Variants in PHC3 observed in about 807,000 individuals in gnomAD.
PHC3 encodes the protein polyhomeotic-like protein 3.
PHC3 carries 13 observed loss-of-function variants against 107.4 expected under a neutral mutation model. The observed-to-expected ratio is 0.12, with a 90% CI of 0.08 to 0.19. PHC3 has a LOEUF of 0.19. Ranked by LOEUF, PHC3 falls within the 10% of genes least tolerant of loss-of-function variation. PHC3 has a pLI of 1.00. For missense variants in PHC3, 992 were observed against 1,210.9 expected, an observed-to-expected ratio of 0.82 and a Z score of 2.68; for synonymous variants, 456 against 427.4, an observed-to-expected ratio of 1.07 and a Z score of -0.83.
At position 170,092,012 on chromosome 3, in the gene PHC3, T is replaced by G. The variant is rs1456056231; in HGVS notation, c.*5218A>C. ...CTTCCCAAATAATTTTTTGTTTTGT[T>G]TTTTTGAGATGGAGTCTCGCTCTGT... is the stretch of plus-strand genomic sequence containing the variant. On this transcript the variant is annotated 3_prime_UTR_variant, in exon 15 of 15. Transcript: ENST00000495893. The G allele has an allele frequency of 2.0e-5, 3 of 152,184 alleles. No individual in the cohort carries two copies. The highest frequency in any genetic ancestry group is 4.4e-5 in the Non-Finnish European group (3 of 68,058). 9.4% of individuals were successfully genotyped at this position (152,184 alleles called of 1,614,324 possible). A position where few individuals can be genotyped will look rare whatever the true frequency, so the allele number is the denominator to read the frequency against.
At chr3:170,116,804 A>G (rs1230847128) in intron 10 of PHC3, among the ~76,000 whole-genome samples, 1 of 151,964 alleles carries the variant, frequency 6.6e-6, no homozygotes, top group East Asian at 1.9e-4. Context: ...TCAGCTACTC[A>G]GGTGGCTGAG....
intron 4 of PHC3, among the ~76,000 whole-genome samples, chr3:170,166,086 C>T (rs899887546): frequency 6.6e-6 from 1 of 151,994 alleles, no homozygotes; most frequent in Admixed American, 6.6e-5. Context: ...GCTCTACCGC[C>T]CAGGATGGAG....
intron 7 of PHC3, among the ~76,000 whole-genome samples, chr3:170,130,399 T>C (rs554189456): frequency 1.3e-5 from 2 of 152,298 alleles, no homozygotes; most frequent in East Asian, 3.9e-4. Flanking sequence ...TGAGGGTATA[T>C]ATATCATTTG....
At chr3:170,181,433 A>G (rs1301125722) in intron 1 of PHC3, among the ~76,000 whole-genome samples, 16 of 152,090 alleles carry the variant, frequency 1.1e-4, no homozygotes, top group Non-Finnish European at 2.4e-4. Flanking sequence ...CAGCTCCCGG[A>G]GTCCCAAGGG....
At chr3:170,130,688 A>G (rs1385886350) in intron 7 of PHC3, among the ~76,000 whole-genome samples, 1 of 152,240 alleles carries the variant, frequency 6.6e-6, no homozygotes, top group Non-Finnish European at 1.5e-5. Flanking sequence ...AAGCCACTCA[A>G]CAGGAATAAA....
intron 9 of PHC3, among the ~76,000 whole-genome samples, chr3:170,118,337 C>T (rs147270096): frequency 0.012 from 1,858 of 152,246 alleles, 40 homozygotes; most frequent in African/African-American, 0.042. Flanking sequence ...TCTCAACCTC[C>T]CAGGCTCAGG....
intron 7 of PHC3, among the ~76,000 whole-genome samples, chr3:170,133,017 A>C (rs1722504252): frequency 6.6e-6 from 1 of 152,192 alleles, no homozygotes; most frequent in African/African-American, 2.4e-5. Context: ...CACCCTAAAA[A>C]TACATATAAG....
chr3:170,161,272 G>A (rs1188268047), intron 4 of PHC3, among the ~76,000 whole-genome samples: 1 of 152,112 alleles, frequency 6.6e-6, no homozygotes, highest in African/African-American at 2.4e-5. Context: ...GCTGGCTAAG[G>A]CTTACATAAG....
chr3:170,149,366 A>C, intron 4 of PHC3, 122 bp from the exon 5 acceptor site: 2 of 872,976 alleles, frequency 2.3e-6, no homozygotes, highest in East Asian at 5.3e-5. Flanking sequence ...CCCAAAGGAG[A>C]AGCCTTTATC....
At chr3:170,107,495 A>G (rs927620274) in intron 11 of PHC3, among the ~76,000 whole-genome samples, 5 of 152,198 alleles carry the variant, frequency 3.3e-5, no homozygotes, top group African/African-American at 1.2e-4. Context: ...ATAAAGATGC[A>G]TATATCAGGA....
Position 170,117,351 on chromosome 3 carries a change from T to C in PHC3, c.2068A>G (p.Ser690Gly). 3 of 1,613,984 alleles carry C rather than the reference T, an allele frequency of 1.9e-6. No homozygotes were observed. Among genetic ancestry groups the C allele is most frequent in the East Asian group, 2.2e-5 (1 of 44,860 alleles). Residue 690 changes from serine (S) to glycine (G), a missense_variant, in exon 10 of 15, where the codon AGT becomes GGT. By Grantham distance (56) the Ser-to-Gly change is moderately conservative. Around this residue, in one of 6 missense-constraint regions of PHC3, gnomAD observed 543 missense variants for 590.8 expected, o/e 0.92. Transcript: ENST00000495893. ...LLPAATTRSN[S>G]TSMHSSIPSI... ...GGAATGCTACTGTGCATAGATGTAC[T>C]GTTACTCCTTGTGGTGGCAGCTGGA...
At chr3:170,102,145 G>A in intron 14 of PHC3, 8 of 984,906 alleles carry the variant, frequency 8.1e-6, no homozygotes, top group South Asian at 4.7e-5. Context: ...AGAGCAGAAA[G>A]GAAGAAGTGT....
In PHC3 at chr3:170,102,795, T is replaced by C. The variant is rs371191533; in HGVS notation, c.2601+7A>G. The C allele has an allele frequency of 4.6e-5, 74 of 1,613,856 alleles. No individual in the cohort carries two copies. Among genetic ancestry groups the C allele is most frequent in the Non-Finnish European group, 5.8e-5 (69 of 1,179,860 alleles). ...GTATTTTACATTGAAGCAAGGTTTA[T>C]ACAGACCTGCCTAAGGATATGTTCT... is the stretch of plus-strand genomic sequence containing the variant. On this transcript the variant is annotated splice_region_variant and intron_variant, in intron 13 of 14. Transcript: ENST00000495893.
chr3:170,141,461 C>A (rs974694105), intron 6 of PHC3, among the ~76,000 whole-genome samples: 2 of 152,156 alleles, frequency 1.3e-5, no homozygotes, highest in Non-Finnish European at 2.9e-5. Flanking sequence ...TGACTCTATT[C>A]ACATTAAAAA....
At chr3:170,119,427 G>C (rs1247544786) in intron 9 of PHC3, among the ~76,000 whole-genome samples, 1 of 152,106 alleles carries the variant, frequency 6.6e-6, no homozygotes, top group Admixed American at 6.6e-5. Flanking sequence ...TTAATATCTA[G>C]ATCATGTGCA....
At chr3:170,176,857 A>C (rs1425689687) in intron 2 of PHC3, 3 of 450,330 alleles carry the variant, frequency 6.7e-6, no homozygotes, top group South Asian at 1.6e-5. Flanking sequence ...TGAAAGAAGT[A>C]GTCTCACCCT....
intron 8 of PHC3, among the ~76,000 whole-genome samples, chr3:170,126,528 A>ATTTTTT (rs1553788612): frequency 1.1e-4 from 10 of 90,612 alleles, no homozygotes; most frequent in African/African-American, 3.6e-4. Flanking sequence ...ATATATATAT[A>ATTTTTT]TTTTTTTTTT....
intron 9 of PHC3, among the ~76,000 whole-genome samples, chr3:170,120,818 AAG>A (rs1325779572): frequency 6.6e-6 from 1 of 152,176 alleles, no homozygotes; most frequent in African/African-American, 2.4e-5. Flanking sequence ...GTGGTCCCAT[AAG>A]AGTTTGTTTC....
At chr3:170,115,411 AGTAT>A (rs1163130100) in intron 10 of PHC3, among the ~76,000 whole-genome samples, 3 of 152,248 alleles carry the variant, frequency 2.0e-5, no homozygotes, top group South Asian at 2.1e-4. Context: ...TTAAAACCAC[AGTAT>A]GTATATGTAC....
Sources: gnomAD v4.1 joint callset for allele counts (sites outside exome capture counted in the v4.1 genomes callset) on GRCh38, gnomAD v4.1.1 for gene constraint, gnomAD v4.1.1 regional missense constraint, MANE v1.5 for transcripts, NCBI Gene and HGNC (gene_info 2026-07-23, HGNC 2026-07-21) for gene names.